Variants in PICALM observed in about 807,000 individuals in gnomAD.
PICALM encodes the protein phosphatidylinositol-binding clathrin assembly protein.
PICALM carries 40 observed loss-of-function variants against 80.5 expected under a neutral mutation model. That is an observed-to-expected ratio of 0.50 (90% CI 0.39 to 0.65). The LOEUF (loss-of-function observed/expected upper bound fraction) is 0.65, where lower values mean the gene tolerates loss of function less well. Ranked by LOEUF, PICALM falls within the 30% of genes least tolerant of loss-of-function variation. The pLI is 0.00. For missense variants in PICALM, 676 were observed against 778.9 expected (o/e 0.87, Z 1.57); for synonymous variants, 288 against 260.3 (o/e 1.11, Z -1.02).
At chr11:86,035,415 T>G (rs958917703) in intron 1 of PICALM, among the ~76,000 whole-genome samples, 1 of 152,214 alleles carries the variant, frequency 6.6e-6, no homozygotes, top group Non-Finnish European at 1.5e-5. Context: ...CTCACTAGGC[T>G]ACATCAAAAC....
At chr11:86,046,209 T>C (rs2096069391) in intron 1 of PICALM, among the ~76,000 whole-genome samples, 1 of 152,182 alleles carries the variant, frequency 6.6e-6, no homozygotes, top group Non-Finnish European at 1.5e-5. Context: ...CTCTAGACTC[T>C]CTGGCTTCCA....
Position 86,043,214 on chromosome 11 carries a change from C to T in PICALM, c.131-11603G>A, listed in dbSNP as rs556653584. 1.4e-4 allele frequency among the ~76,000 whole-genome samples: 21 copies of T among 152,312 alleles called. 2 individuals carry two copies. The South Asian group carries it at 4.4e-3, about 32-fold the overall frequency. On this transcript the variant is annotated intron_variant, in intron 1 of 19. Transcript: ENST00000393346. ...GCTATTCACAGTGCATTTGCATTTT[C>T]CTTTTATGAGTGCTATATTCTAGTT...
chr11:86,015,060 G>C, intron 4 of PICALM, 97 bp from the exon 5 acceptor site: 2 of 684,434 alleles, frequency 2.9e-6, no homozygotes, highest in Non-Finnish European at 4.8e-6. Context: ...AGAGAACCAA[G>C]TTGCTATGAA....
rs768102930 is a variant in PICALM, at chr11:86,026,276, TA to T, written c.349+15del. ...GTCATTCTTTTGATTTTCTATAATG[TA>T]AAAGTTATCTTTACCTTGCAATCCA... On this transcript the variant is annotated intron_variant, in intron 3 of 19. Coordinates refer to ENST00000393346, the MANE Select transcript of PICALM (RefSeq NM_007166.4). 7.8e-6 allele frequency: 11 copies of T among 1,418,932 alleles called. No individual in the cohort carries two copies. The highest frequency in any genetic ancestry group is 2.3e-5 in the South Asian group (2 of 85,784). The allele number at this position is 1,418,932 out of a possible 1,614,324, so 87.9% of individuals were successfully genotyped here. A position where few individuals can be genotyped will look rare whatever the true frequency, so the allele number is the denominator to read the frequency against.
chr11:86,020,771 C>T (rs1263068843), intron 4 of PICALM, among the ~76,000 whole-genome samples: 2 of 151,992 alleles, frequency 1.3e-5, no homozygotes, highest in Admixed American at 1.3e-4. Context: ...GCAAAAAATA[C>T]AAGATTCTTA....
Position 86,007,523 on chromosome 11 carries a change from A to AT in PICALM, c.807+18dup. 2 of 1,423,888 alleles carry AT rather than the reference A, an allele frequency of 1.4e-6. No individual in the cohort carries two copies. The highest frequency in any genetic ancestry group is 2.0e-6 in the Non-Finnish European group (2 of 1,011,652). The allele number at this position is 1,423,888 out of a possible 1,614,324, so 88.2% of individuals were successfully genotyped here. On this transcript the variant is annotated intron_variant, in intron 8 of 19. Transcript: ENST00000393346. Reference sequence around the variant, plus strand: ...TGTACACAACAGATAGTGGATTGGTATTTTAACAATAAACTTACCTGTGAA... The same window carrying AT: ...TGTACACAACAGATAGTGGATTGGTATTTTTAACAATAAACTTACCTGTGAA...
chr11:85,979,252 G>A (rs1224983002), intron 17 of PICALM, among the ~76,000 whole-genome samples: 1 of 152,172 alleles, frequency 6.6e-6, no homozygotes, highest in Non-Finnish European at 1.5e-5. Context: ...CACTCTGGGA[G>A]GCTGAGGCGG....
At chr11:85,960,889 T>A in intron 19 of PICALM, 1 of 364,240 alleles carries the variant, frequency 2.7e-6, no homozygotes, top group Non-Finnish European at 5.0e-6. Context: ...TCATCTTTAA[T>A]AAATATAAGG....
chr11:85,997,069 A>G, intron 11 of PICALM, 140 bp from the exon 12 acceptor site: 2 of 542,470 alleles, frequency 3.7e-6, no homozygotes, highest in East Asian at 3.2e-5. Context: ...AAAGAGGAAC[A>G]GTTTCTTCAT....
At chr11:85,963,638 TTAA>T (rs1360383964) in intron 19 of PICALM, among the ~76,000 whole-genome samples, 2 of 152,212 alleles carry the variant, frequency 1.3e-5, no homozygotes, top group African/African-American at 2.4e-5. Context: ...ATAGTATCTC[TTAA>T]ATTCCTTCTC....
chr11:85,986,517 A>C (rs1476297704), intron 13 of PICALM, among the ~76,000 whole-genome samples: 1 of 150,958 alleles, frequency 6.6e-6, no homozygotes. Context: ...CAGCCTCCCG[A>C]GTAGCTGGGA....
At chr11:86,064,020 A>ACC (rs1292367668) in intron 1 of PICALM, among the ~76,000 whole-genome samples, 1 of 152,200 alleles carries the variant, frequency 6.6e-6, no homozygotes, top group East Asian at 1.9e-4. Flanking sequence ...CAAACTAAGC[A>ACC]CCCATAAGAT....
rs562894455 is a variant in PICALM at position 85,972,425 on chromosome 11, T to C, written c.1944+2283A>G. Among the ~76,000 whole-genome samples, 13 of 152,298 alleles carry C rather than the reference T, an allele frequency of 8.5e-5. 1 individual carries two copies. Among genetic ancestry groups the C allele is most frequent in the African/African-American group, 2.9e-4 (12 of 41,562 alleles). ...CCTGGGGATAAGTTGATTTCACCAT[T>C]TAATTAGTTGAAGAACCCTTCCAAG... On this transcript the variant is annotated intron_variant, in intron 19 of 19. Coordinates refer to ENST00000393346, the MANE Select transcript of PICALM (RefSeq NM_007166.4).
intron 19 of PICALM, 28 bp downstream of exon 19, chr11:85,974,680 T>C (rs766654005): frequency 2.2e-6 from 3 of 1,372,994 alleles, no homozygotes; most frequent in South Asian, 2.3e-5. Context: ...TCAAACACAT[T>C]ACCACAGTTA....
intron 7 of PICALM, among the ~76,000 whole-genome samples, chr11:86,010,417 C>A (rs1365439275): frequency 6.6e-6 from 1 of 151,896 alleles, no homozygotes. Flanking sequence ...ACCTCCGCCT[C>A]CTGGGCTCAA....
chr11:85,973,280 G>T (rs1053980443), intron 19 of PICALM, among the ~76,000 whole-genome samples: 3 of 152,096 alleles, frequency 2.0e-5, no homozygotes, highest in Non-Finnish European at 2.9e-5. Flanking sequence ...TATTCAAAAC[G>T]GCTGAGAAAT....
At chr11:85,983,618 A>C (rs2094502153) in intron 14 of PICALM, among the ~76,000 whole-genome samples, 1 of 152,158 alleles carries the variant, frequency 6.6e-6, no homozygotes, top group African/African-American at 2.4e-5. Flanking sequence ...TACAGAGCTA[A>C]ATCTCTTTTT....
At chr11:86,067,605 C>T (rs1390677034) in intron 1 of PICALM, among the ~76,000 whole-genome samples, 1 of 152,154 alleles carries the variant, frequency 6.6e-6, no homozygotes, top group East Asian at 1.9e-4. Flanking sequence ...AGGTAACTGG[C>T]ATAATTAAAA....
At chr11:86,018,616 A>G (rs550501136) in intron 4 of PICALM, among the ~76,000 whole-genome samples, 2 of 152,246 alleles carry the variant, frequency 1.3e-5, no homozygotes, top group East Asian at 3.9e-4. Flanking sequence ...AGGCCAGATG[A>G]GGTGGCTCAT....
Sources: gnomAD v4.1 joint callset for allele counts (sites outside exome capture counted in the v4.1 genomes callset) on GRCh38, gnomAD v4.1.1 for gene constraint, MANE v1.5 for transcripts, NCBI Gene and HGNC (gene_info 2026-07-23, HGNC 2026-07-21) for gene names.